TRABD2B: variants seen among roughly 807,000 people sequenced by gnomAD.
The protein encoded by TRABD2B is TraB domain containing 2B, also known as metalloprotease TIKI2.
TRABD2B carries 14 observed loss-of-function variants against 40.1 expected under a neutral mutation model. That is an observed-to-expected ratio of 0.35 (90% CI 0.23 to 0.55). The LOEUF (loss-of-function observed/expected upper bound fraction) is 0.55, where lower values mean the gene tolerates loss of function less well. Ranked by LOEUF, TRABD2B falls within the 20% of genes least tolerant of loss-of-function variation. The probability of loss-of-function intolerance (pLI) is 0.90; values close to 1 mark genes in which losing one functional copy is unlikely to be tolerated. For missense variants in TRABD2B, 541 were observed against 648.6 expected (o/e 0.83, Z 1.80); for synonymous variants, 263 against 277.0 (o/e 0.95, Z 0.50).
At chr1:47,854,545 G>A (rs1643872128) in intron 2 of TRABD2B, among the ~76,000 whole-genome samples, 1 of 151,754 alleles carries the variant, frequency 6.6e-6, no homozygotes, top group South Asian at 2.1e-4. Context: ...ATAGTCCTCT[G>A]TGATTTGATG....
intron 2 of TRABD2B, among the ~76,000 whole-genome samples, chr1:47,952,695 G>C (rs148545393): frequency 2.0e-5 from 3 of 152,180 alleles, no homozygotes; most frequent in Non-Finnish European, 2.9e-5. Context: ...CCTCAAGGGC[G>C]TAATACATTG....
intron 2 of TRABD2B, among the ~76,000 whole-genome samples, chr1:47,909,710 C>T (rs1365850960): frequency 6.7e-6 from 1 of 149,670 alleles, no homozygotes; most frequent in Non-Finnish European, 1.5e-5. Flanking sequence ...GCCTCCATGA[C>T]CCAAACACCT....
intron 2 of TRABD2B, among the ~76,000 whole-genome samples, chr1:47,947,822 A>G (rs1268075734): frequency 6.6e-6 from 1 of 152,216 alleles, no homozygotes; most frequent in Non-Finnish European, 1.5e-5. Flanking sequence ...TCACAGGGTG[A>G]TTACCCGCAC....
chr1:47,990,764 G>A (rs1249456749), intron 2 of TRABD2B, among the ~76,000 whole-genome samples: 4 of 86,336 alleles, frequency 4.6e-5, no homozygotes, highest in Admixed American at 4.4e-4. Context: ...GTTTTAAAAC[G>A]TTGGTTTTAT....
intron 2 of TRABD2B, among the ~76,000 whole-genome samples, chr1:47,969,646 G>A (rs1396406516): frequency 1.3e-5 from 2 of 152,178 alleles, no homozygotes; most frequent in African/African-American, 4.8e-5. Flanking sequence ...CAGTGACCTA[G>A]AACATATAAA....
rs1644244400 is a variant in TRABD2B at position 47,761,560 on chromosome 1, GATTT to G, written c.*4338_*4341del. 6.6e-6 allele frequency: 1 copy of G among 152,216 alleles called. No individual in the cohort carries two copies. Among genetic ancestry groups the G allele is most frequent in the Non-Finnish European group, 1.5e-5 (1 of 68,042 alleles). 9.4% of individuals were successfully genotyped at this position (152,216 alleles called of 1,614,324 possible). ...TACTGGTTTAGACAGCCAGCGGGGT[GATTT>G]TTTTTGGCTGCTCAGATGAATTTCT... On this transcript the variant is annotated 3_prime_UTR_variant, in exon 7 of 7. Coordinates refer to ENST00000606738, the MANE Select transcript of TRABD2B (RefSeq NM_001194986.2).
chr1:47,902,383 G>C (rs557452528), intron 2 of TRABD2B, among the ~76,000 whole-genome samples: 1 of 152,216 alleles, frequency 6.6e-6, no homozygotes, highest in South Asian at 2.1e-4. Context: ...GCAAACAGGG[G>C]GTCCAGAGAA....
intron 2 of TRABD2B, among the ~76,000 whole-genome samples, chr1:47,970,597 C>G (rs1645666783): frequency 6.6e-6 from 1 of 152,218 alleles, no homozygotes; most frequent in African/African-American, 2.4e-5. Context: ...GTGTTACAAA[C>G]CACCCCAGGC....
At chr1:47,957,367 C>T (rs140070253) in intron 2 of TRABD2B, among the ~76,000 whole-genome samples, 3,271 of 152,238 alleles carry the variant, frequency 0.021, 55 homozygotes, top group South Asian at 0.067. Flanking sequence ...ATGACTTCGA[C>T]GAGTTGAGAG....
chr1:47,925,202 T>C (rs1290027261), intron 2 of TRABD2B, among the ~76,000 whole-genome samples: 1 of 152,282 alleles, frequency 6.6e-6, no homozygotes, highest in East Asian at 1.9e-4. Flanking sequence ...AACATCCCTA[T>C]CCCATCCTCT....
At chr1:47,894,033 T>C (rs1644485094) in intron 2 of TRABD2B, among the ~76,000 whole-genome samples, 1 of 152,222 alleles carries the variant, frequency 6.6e-6, no homozygotes, top group South Asian at 2.1e-4. Flanking sequence ...TGTCAGCCTA[T>C]ATTCATTCAT....
At chr1:47,940,726 A>T (rs996566355) in intron 2 of TRABD2B, among the ~76,000 whole-genome samples, 4 of 152,224 alleles carry the variant, frequency 2.6e-5, no homozygotes, top group Admixed American at 2.0e-4. Context: ...GACCTGAGTC[A>T]TCTCCTAAAG....
At position 47,994,700 on chromosome 1, in the gene TRABD2B, G is replaced by C; in HGVS notation, c.103-103C>G. 9.6e-7 allele frequency: 1 copy of C among 1,046,858 alleles called. No individual in the cohort carries two copies. Among genetic ancestry groups the C allele is most frequent in the Middle Eastern group, 3.1e-4 (1 of 3,274 alleles). The allele number at this position is 1,046,858 out of a possible 1,614,324, so 64.8% of individuals were successfully genotyped here. A position where few individuals can be genotyped will look rare whatever the true frequency, so the allele number is the denominator to read the frequency against. On this transcript the variant is annotated intron_variant, in intron 1 of 6. Coordinates refer to ENST00000606738, the MANE Select transcript of TRABD2B (RefSeq NM_001194986.2). The surrounding 1 kb of genome is among the most constrained non-coding windows in gnomAD (Gnocchi z 6.7). Reference sequence around the variant, plus strand: ...CAGAGGGAGGTGGGGATGGGAGGCAGAGACCATACACAGGCCGTGGTAAAG... The same window carrying C: ...CAGAGGGAGGTGGGGATGGGAGGCACAGACCATACACAGGCCGTGGTAAAG...
chr1:47,915,662 G>C (rs1644820903), intron 2 of TRABD2B, among the ~76,000 whole-genome samples: 1 of 152,206 alleles, frequency 6.6e-6, no homozygotes, highest in African/African-American at 2.4e-5. Flanking sequence ...TTAAATCTGA[G>C]ATGGTGAGGT....
At chr1:47,982,636 G>A (rs1272839530) in intron 2 of TRABD2B, among the ~76,000 whole-genome samples, 1 of 152,192 alleles carries the variant, frequency 6.6e-6, no homozygotes, top group African/African-American at 2.4e-5. Context: ...GAAATTTACT[G>A]TGATAAACCA....
At chr1:47,785,972 G>A (rs372787560) in intron 4 of TRABD2B, among the ~76,000 whole-genome samples, 44 of 152,278 alleles carry the variant, frequency 2.9e-4, no homozygotes, top group East Asian at 2.1e-3. Context: ...TCTGCCCCTC[G>A]ACCCCAGTGG....
At chr1:47,798,523 G>A (rs1644778129) in intron 3 of TRABD2B, among the ~76,000 whole-genome samples, 1 of 152,168 alleles carries the variant, frequency 6.6e-6, no homozygotes, top group South Asian at 2.1e-4. Context: ...GTGGAGCCAG[G>A]ATGCAGGCCA....
chr1:47,834,577 G>GCACACACACA (rs1553156380), intron 2 of TRABD2B, among the ~76,000 whole-genome samples: 4,864 of 142,356 alleles, frequency 0.034, 197 homozygotes, highest in East Asian at 0.2. Flanking sequence ...ACACACACAC[G>GCACACACACA]CGCACACACA....
intron 2 of TRABD2B, among the ~76,000 whole-genome samples, chr1:47,825,048 GA>G (rs1557595766): frequency 6.6e-6 from 1 of 152,228 alleles, no homozygotes; most frequent in African/African-American, 2.4e-5. Flanking sequence ...GGCTCAGAGA[GA>G]GGGGTGACTT....
Sources: allele counts gnomAD v4.1 joint callset (sites outside exome capture counted in the v4.1 genomes callset), GRCh38; gene constraint gnomAD v4.1.1; non-coding constraint Gnocchi (gnomAD v3.1); transcripts MANE v1.5; gene names NCBI Gene and HGNC (gene_info 2026-07-23, HGNC 2026-07-21).